TAFA2: variants seen among roughly 807,000 people sequenced by gnomAD.
TAFA2 encodes the protein chemokine-like protein TAFA-2.
Under a neutral mutation model 18.8 loss-of-function variants are expected in TAFA2, and 7 were observed. The ratio of observed to expected loss-of-function variants is 0.37; its 90% confidence interval spans 0.21 to 0.70. The LOEUF (loss-of-function observed/expected upper bound fraction) is 0.70. Ranked by LOEUF, TAFA2 falls within the 30% of genes least tolerant of loss-of-function variation. The pLI is 0.53. For missense variants in TAFA2, 122 were observed against 158.1 expected, an observed-to-expected ratio of 0.77 and a Z score of 1.23; for synonymous variants, 60 against 54.2, an observed-to-expected ratio of 1.11 and a Z score of -0.47.
intron 4 of TAFA2, among the ~76,000 whole-genome samples, chr12:61,724,792 T>TATACACCAGATGG (rs1211514047): frequency 0.031 from 4,365 of 139,160 alleles, 64 homozygotes; most frequent in African/African-American, 0.046. Flanking sequence ...TGTGTGTGTG[T>TATACACCAGATGG]GTGTGTGTGT....
Position 62,042,102 on chromosome 12 carries a change from G to A in TAFA2, c.-2+149157C>T, listed in dbSNP as rs141902557. On this transcript the variant is annotated intron_variant, in intron 1 of 4. Coordinates refer to ENST00000416284, the MANE Select transcript of TAFA2 (RefSeq NM_178539.5). ...AGGATGGAAAGTCTCAAAGAAGGCC[G>A]CCTCCATTGTGGCAACTCCTTCATA... Among the ~76,000 whole-genome samples the A allele has an allele frequency of 6.3e-4, 95 of 151,990 alleles. 1 individual carries two copies. Among genetic ancestry groups the A allele is most frequent in the African/African-American group, 2.2e-3 (91 of 41,444 alleles).
At chr12:62,088,454 TCAGA>T (rs1212059785) in intron 1 of TAFA2, among the ~76,000 whole-genome samples, 1 of 151,858 alleles carries the variant, frequency 6.6e-6, no homozygotes, top group Non-Finnish European at 1.5e-5. Flanking sequence ...GTCCTTCTGC[TCAGA>T]CAGAGACAAA....
intron 2 of TAFA2, among the ~76,000 whole-genome samples, chr12:61,832,093 T>C (rs1410602455): frequency 1.3e-5 from 2 of 152,086 alleles, no homozygotes; most frequent in African/African-American, 4.8e-5. Context: ...ATCTTGCCAC[T>C]CAATCAAGAG....
chr12:62,172,172 CTTT>C (rs2062482331), intron 1 of TAFA2, among the ~76,000 whole-genome samples: 1 of 152,098 alleles, frequency 6.6e-6, no homozygotes, highest in Non-Finnish European at 1.5e-5. Flanking sequence ...TAATATTCTT[CTTT>C]GACAAAATTA....
At chr12:62,169,719 T>G (rs1243383577) in intron 1 of TAFA2, among the ~76,000 whole-genome samples, 2 of 151,756 alleles carry the variant, frequency 1.3e-5, no homozygotes. Context: ...GGCATAGTGG[T>G]GAGTGCCTGA....
At chr12:62,125,990 G>T (rs570553406) in intron 1 of TAFA2, among the ~76,000 whole-genome samples, 1 of 151,698 alleles carries the variant, frequency 6.6e-6, no homozygotes, top group Non-Finnish European at 1.5e-5. Flanking sequence ...AATTTTTTTC[G>T]CATATATTAG....
At chr12:61,780,851 T>C (rs1870474276) in intron 2 of TAFA2, among the ~76,000 whole-genome samples, 1 of 151,768 alleles carries the variant, frequency 6.6e-6, no homozygotes, top group African/African-American at 2.4e-5. Flanking sequence ...TTAAATAAAG[T>C]CTTCCTTGCC....
At chr12:62,208,751 G>T (rs2062702133) in intron 1 of TAFA2, among the ~76,000 whole-genome samples, 1 of 152,092 alleles carries the variant, frequency 6.6e-6, no homozygotes, top group East Asian at 1.9e-4. Flanking sequence ...AATATCCATT[G>T]GTATGACATA....
At chr12:61,781,228 G>T (rs979702152) in intron 2 of TAFA2, among the ~76,000 whole-genome samples, 1 of 151,672 alleles carries the variant, frequency 6.6e-6, no homozygotes, top group South Asian at 2.1e-4. Flanking sequence ...AGCCTGAGAA[G>T]GATAGAAGAG....
rs1026864429 is a variant in TAFA2 at position 61,968,271 on chromosome 12, G to A, written c.-1-100845C>T. Among the ~76,000 whole-genome samples, 7 of 151,416 alleles carry A rather than the reference G, an allele frequency of 4.6e-5. No homozygotes were observed. In the South Asian group the frequency reaches 1.5e-3, roughly 31 times the overall value. ...ACCTACATAGCGTATCTTCCATACCGCTCTACAAGCACTTCCATTAAAACC... is the reference window on the plus strand; with the variant it reads ...ACCTACATAGCGTATCTTCCATACCACTCTACAAGCACTTCCATTAAAACC... On this transcript the variant is annotated intron_variant, in intron 1 of 4. Coordinates refer to ENST00000416284, the MANE Select transcript of TAFA2 (RefSeq NM_178539.5).
intron 1 of TAFA2, among the ~76,000 whole-genome samples, chr12:62,202,061 T>C (rs776240460): frequency 6.6e-6 from 1 of 152,172 alleles, no homozygotes; most frequent in Non-Finnish European, 1.5e-5. Flanking sequence ...CGGCTGTTTG[T>C]ATTTCTGTGG....
intron 1 of TAFA2, among the ~76,000 whole-genome samples, chr12:62,150,879 G>T (rs1442643173): frequency 4.0e-5 from 6 of 149,168 alleles, no homozygotes; most frequent in African/African-American, 1.5e-4. Flanking sequence ...AACACAGTGA[G>T]ACCCTGTCCA....
At chr12:62,020,008 T>C (rs1024103865) in intron 1 of TAFA2, among the ~76,000 whole-genome samples, 11 of 152,180 alleles carry the variant, frequency 7.2e-5, no homozygotes, top group Non-Finnish European at 1.3e-4. Context: ...AAAGACAGTC[T>C]CATCATTCAG....
intron 2 of TAFA2, among the ~76,000 whole-genome samples, chr12:61,762,900 T>C (rs942431009): frequency 9.2e-5 from 14 of 152,048 alleles, no homozygotes; most frequent in Non-Finnish European, 2.1e-4. Context: ...ATCTATATTG[T>C]ACCTTCTAAG....
chr12:61,839,609 C>G (rs1387123696), intron 2 of TAFA2, among the ~76,000 whole-genome samples: 1 of 151,990 alleles, frequency 6.6e-6, no homozygotes, highest in Non-Finnish European at 1.5e-5. Flanking sequence ...AACAGGAGTG[C>G]ATCTAGAAGC....
At chr12:61,771,116 G>A (rs1313157885) in intron 2 of TAFA2, among the ~76,000 whole-genome samples, 2 of 151,858 alleles carry the variant, frequency 1.3e-5, no homozygotes, top group Non-Finnish European at 2.9e-5. Context: ...AGACAAAACC[G>A]ACTGTAAATC....
At chr12:62,057,075 T>C (rs1882207181) in intron 1 of TAFA2, among the ~76,000 whole-genome samples, 1 of 152,228 alleles carries the variant, frequency 6.6e-6, no homozygotes, top group Non-Finnish European at 1.5e-5. Context: ...TTTTTGAAGG[T>C]TGGGATGAAC....
chr12:61,841,922 T>C (rs1056213977), intron 2 of TAFA2, among the ~76,000 whole-genome samples: 2 of 152,010 alleles, frequency 1.3e-5, no homozygotes, highest in Non-Finnish European at 2.9e-5. Context: ...TGTATTCAAA[T>C]TGGTCAAGAA....
intron 4 of TAFA2, among the ~76,000 whole-genome samples, chr12:61,734,371 G>A (rs1327144618): frequency 3.2e-5 from 4 of 125,140 alleles, no homozygotes; most frequent in African/African-American, 6.0e-5. Flanking sequence ...TTGTGGGGTC[G>A]GGGGAGGGGG....
Sources: allele counts gnomAD v4.1 joint callset (sites outside exome capture counted in the v4.1 genomes callset), GRCh38; gene constraint gnomAD v4.1.1; transcripts MANE v1.5; gene names NCBI Gene and HGNC (gene_info 2026-07-23, HGNC 2026-07-21).